ADAMTSL1: variants seen among roughly 807,000 people sequenced by gnomAD.
ADAMTSL1 encodes the protein ADAMTS-like protein 1.
In ADAMTSL1, 126 loss-of-function variants were observed where a neutral mutation model predicts 201.8. The observed-to-expected ratio is 0.62, with a 90% CI of 0.54 to 0.72. ADAMTSL1 has a LOEUF of 0.72. ADAMTSL1 is among the 30% of genes least tolerant of loss of function. ADAMTSL1 has a pLI of 0.00. For missense variants in ADAMTSL1, 2,679 were observed against 2,277.8 expected, an observed-to-expected ratio of 1.18 and a Z score of -3.59; for synonymous variants, 1,121 against 903.4, an observed-to-expected ratio of 1.24 and a Z score of -4.32.
At chr9:18,718,735 A>G (rs537525758) in intron 14 of ADAMTSL1, among the ~76,000 whole-genome samples, 2 of 152,324 alleles carry the variant, frequency 1.3e-5, no homozygotes, top group African/African-American at 2.4e-5. Flanking sequence ...CACAAAGTGG[A>G]AACACAGGTC....
chr9:18,826,066 T>C, intron 21 of ADAMTSL1: 1 of 619,268 alleles, frequency 1.6e-6, no homozygotes, highest in Non-Finnish European at 2.9e-6. Context: ...ATGTTTATCT[T>C]GTATCAACAT....
intron 13 of ADAMTSL1, among the ~76,000 whole-genome samples, chr9:18,700,525 T>G (rs1323215564): frequency 1.3e-5 from 2 of 152,210 alleles, no homozygotes; most frequent in East Asian, 3.9e-4. Flanking sequence ...TTAGGTTTAG[T>G]TAACTGCACT....
chr9:18,047,336 T>C (rs1821707205), intron 1 of ADAMTSL1, among the ~76,000 whole-genome samples: 1 of 152,200 alleles, frequency 6.6e-6, no homozygotes, highest in African/African-American at 2.4e-5. Context: ...AAGATGTTCT[T>C]GGTTGTCACA....
intron 2 of ADAMTSL1, among the ~76,000 whole-genome samples, chr9:18,393,234 TG>T (rs1348309494): frequency 6.6e-5 from 10 of 152,240 alleles, no homozygotes; most frequent in Admixed American, 3.9e-4. Context: ...CACAGTATGC[TG>T]GGGTTTTTTA....
intron 1 of ADAMTSL1, among the ~76,000 whole-genome samples, chr9:18,036,049 C>T (rs1267095944): frequency 1.3e-5 from 2 of 152,128 alleles, no homozygotes; most frequent in Non-Finnish European, 2.9e-5. Context: ...CTGTGCTACA[C>T]AAGGGATCTC....
intron 1 of ADAMTSL1, among the ~76,000 whole-genome samples, chr9:18,050,617 C>G (rs1436909726): frequency 3.3e-5 from 5 of 152,040 alleles, no homozygotes; most frequent in Admixed American, 2.0e-4. Flanking sequence ...AAGAAATGCT[C>G]TTAAGAATTC....
intron 2 of ADAMTSL1, among the ~76,000 whole-genome samples, chr9:18,510,370 T>C (rs532487262): frequency 6.6e-6 from 1 of 152,188 alleles, no homozygotes; most frequent in Admixed American, 6.5e-5. Flanking sequence ...TAGAAAAAAA[T>C]TCAATGGAGA....
intron 2 of ADAMTSL1, among the ~76,000 whole-genome samples, chr9:18,263,211 G>T (rs1044296647): frequency 1.3e-5 from 2 of 152,154 alleles, no homozygotes; most frequent in African/African-American, 2.4e-5. Flanking sequence ...GACTGAAGGG[G>T]ACACAGGGGA....
chr9:18,733,989 G>A (rs1473160796), intron 15 of ADAMTSL1, among the ~76,000 whole-genome samples: 1 of 150,670 alleles, frequency 6.6e-6, no homozygotes, highest in Non-Finnish European at 1.5e-5. Flanking sequence ...GTAAATGACT[G>A]ATTCCTATCC....
chr9:18,221,385 C>T (rs1490530126), intron 2 of ADAMTSL1, among the ~76,000 whole-genome samples: 4 of 152,124 alleles, frequency 2.6e-5, no homozygotes, highest in African/African-American at 9.7e-5. Flanking sequence ...CACACAGTGC[C>T]CCTTCCCCAC....
chr9:18,173,984 A>G (rs189643331), intron 2 of ADAMTSL1, among the ~76,000 whole-genome samples: 1 of 152,316 alleles, frequency 6.6e-6, no homozygotes, highest in East Asian at 1.9e-4. Flanking sequence ...TAAACAAACT[A>G]GAACACTCTG....
At chr9:18,786,383 G>T (rs554377781) in intron 19 of ADAMTSL1, among the ~76,000 whole-genome samples, 2 of 152,250 alleles carry the variant, frequency 1.3e-5, no homozygotes, top group Admixed American at 6.5e-5. Flanking sequence ...CAGTAAGGCT[G>T]GAATCAGAGC....
chr9:18,261,494 A>C (rs890839871), intron 2 of ADAMTSL1, among the ~76,000 whole-genome samples: 2 of 152,238 alleles, frequency 1.3e-5, no homozygotes, highest in Admixed American at 1.3e-4. Flanking sequence ...TCTAAGCCTC[A>C]GACTTTTCAC....
At chr9:18,351,296 T>C (rs1156489648) in intron 2 of ADAMTSL1, among the ~76,000 whole-genome samples, 1 of 151,374 alleles carries the variant, frequency 6.6e-6, no homozygotes, top group Non-Finnish European at 1.5e-5. Flanking sequence ...AACTTGTGTG[T>C]GGTCCAAACT....
chr9:18,698,145 C>T (rs929758289), intron 13 of ADAMTSL1, among the ~76,000 whole-genome samples: 2 of 152,052 alleles, frequency 1.3e-5, no homozygotes, highest in Non-Finnish European at 2.9e-5. Flanking sequence ...TTAATGTTTA[C>T]TTTTTTCAGA....
intron 1 of ADAMTSL1, among the ~76,000 whole-genome samples, chr9:18,498,972 G>A (rs1822688233): frequency 6.6e-6 from 1 of 152,250 alleles, no homozygotes; most frequent in African/African-American, 2.4e-5. Context: ...TAACAGGAAT[G>A]CGCAAAAGCG....
intron 4 of ADAMTSL1, among the ~76,000 whole-genome samples, chr9:18,580,923 G>C (rs772027325): frequency 3.3e-5 from 5 of 151,780 alleles, no homozygotes; most frequent in Non-Finnish European, 5.9e-5. Context: ...ATACAGATTT[G>C]GTTTCATTTA....
At chr9:18,588,541 G>C (rs946051640) in intron 4 of ADAMTSL1, among the ~76,000 whole-genome samples, 1 of 151,832 alleles carries the variant, frequency 6.6e-6, no homozygotes, top group African/African-American at 2.4e-5. Context: ...CCAGATCCTT[G>C]TTGTGGAGCA....
At chr9:18,086,523 T>C (rs1481162411) in intron 1 of ADAMTSL1, among the ~76,000 whole-genome samples, 3 of 152,192 alleles carry the variant, frequency 2.0e-5, no homozygotes, top group African/African-American at 7.2e-5. Flanking sequence ...TTGAATTCCA[T>C]GACTATGATA....
Sources: gnomAD v4.1 joint callset for allele counts (sites outside exome capture counted in the v4.1 genomes callset) on GRCh38, gnomAD v4.1.1 for gene constraint, MANE v1.5 for transcripts, NCBI Gene and HGNC (gene_info 2026-07-23, HGNC 2026-07-21) for gene names.